The following PTPN4 variants were observed in gnomAD, a reference collection of about 807,000 sequenced individuals.
PTPN4 encodes the protein protein tyrosine phosphatase non-receptor type 4, also known as tyrosine-protein phosphatase non-receptor type 4.
PTPN4 carries 49 observed loss-of-function variants against 135.5 expected under a neutral mutation model. The observed-to-expected ratio is 0.36, with a 90% CI of 0.29 to 0.46. The LOEUF is 0.46. Among genes scored for constraint, PTPN4 ranks in the 20% least tolerant of loss-of-function variants. PTPN4 has a pLI of 1.00. For synonymous variants in PTPN4, 333 were observed against 369.9 expected (o/e 0.90, Z 1.14); for missense variants, 860 against 1,101.0 (o/e 0.78, Z 3.10).
chr2:119,825,593 T>G (rs752111593), intron 2 of PTPN4, among the ~76,000 whole-genome samples: 1 of 151,766 alleles, frequency 6.6e-6, no homozygotes, highest in African/African-American at 2.4e-5. Flanking sequence ...CCTCCCAGGT[T>G]CAGGCAATTC....
chr2:119,805,305 CTATTT>C (rs1691448227), intron 1 of PTPN4, among the ~76,000 whole-genome samples: 1 of 152,094 alleles, frequency 6.6e-6, no homozygotes, highest in Admixed American at 6.5e-5. Flanking sequence ...TCTCATTTGT[CTATTT>C]TGTTTTGTTT....
intron 18 of PTPN4, among the ~76,000 whole-genome samples, chr2:119,950,395 G>A (rs569223552): frequency 6.6e-6 from 1 of 152,306 alleles, no homozygotes; most frequent in South Asian, 2.1e-4. Flanking sequence ...GAACGTTCCA[G>A]ATTTTAAAGC....
At chr2:119,916,886 TAAATTATTA>T (rs1678661518) in intron 11 of PTPN4, among the ~76,000 whole-genome samples, 2 of 152,260 alleles carry the variant, frequency 1.3e-5, no homozygotes. Context: ...GACTATGCCA[TAAATTATTA>T]ATTCATTCTG....
intron 10 of PTPN4, 85 bp downstream of exon 10, chr2:119,900,891 A>G: frequency 1.3e-6 from 1 of 758,334 alleles, no homozygotes; most frequent in Non-Finnish European, 2.0e-6. Context: ...CTGTTGAACT[A>G]TTTTAATGTT....
At chr2:119,904,424 T>C (rs548689846) in intron 10 of PTPN4, among the ~76,000 whole-genome samples, 50 of 152,060 alleles carry the variant, frequency 3.3e-4, no homozygotes, top group Non-Finnish European at 6.0e-4. Context: ...CAGCCAAATA[T>C]TTGAATTTTG....
At chr2:119,904,976 A>G (rs1280141544) in intron 10 of PTPN4, among the ~76,000 whole-genome samples, 1 of 151,884 alleles carries the variant, frequency 6.6e-6, no homozygotes, top group Admixed American at 6.6e-5. Context: ...TCCCTGACAG[A>G]GCAGATAAGA....
At position 119,943,494 on chromosome 2, in the gene PTPN4, G is replaced by C. The variant is rs181160596; in HGVS notation, c.1356-1587G>C. On this transcript the variant is annotated intron_variant, in intron 15 of 26. Coordinates refer to ENST00000263708, the MANE Select transcript of PTPN4 (RefSeq NM_002830.4). ...TATCTTCATTCTGGGTCCCAGACTG[G>C]TAGCATTCCCTGTTTGGGACATGGC... is the stretch of plus-strand genomic sequence containing the variant. Among the ~76,000 whole-genome samples, 6 of 151,622 alleles carry C rather than the reference G, an allele frequency of 4.0e-5. No individual in the cohort carries two copies. In the East Asian group the frequency reaches 9.7e-4, roughly 24 times the overall value.
chr2:119,895,943 G>A (rs982045028), intron 9 of PTPN4, among the ~76,000 whole-genome samples: 8 of 151,272 alleles, frequency 5.3e-5, no homozygotes, highest in Non-Finnish European at 8.8e-5. Flanking sequence ...AGGGGATAGC[G>A]GTCTATACAC....
At chr2:119,956,727 T>A in intron 20 of PTPN4, 117 bp from the exon 21 acceptor site, 1 of 1,519,124 alleles carries the variant, frequency 6.6e-7, no homozygotes. Context: ...ATTGTATAGA[T>A]GACCTATTCA....
intron 10 of PTPN4, among the ~76,000 whole-genome samples, chr2:119,907,156 A>G (rs990280817): frequency 6.6e-6 from 1 of 152,196 alleles, no homozygotes. Context: ...AAGAGAACAG[A>G]AAAAAAGTAG....
At chr2:119,962,370 C>T (rs1204629865) in intron 23 of PTPN4, among the ~76,000 whole-genome samples, 1 of 151,846 alleles carries the variant, frequency 6.6e-6, no homozygotes, top group Non-Finnish European at 1.5e-5. Context: ...AGGAGAATCG[C>T]TTGAACCCAG....
intron 1 of PTPN4, among the ~76,000 whole-genome samples, chr2:119,797,274 G>A (rs1463732860): frequency 2.0e-5 from 3 of 152,050 alleles, no homozygotes; most frequent in Non-Finnish European, 2.9e-5. Flanking sequence ...TCAAAGTTAC[G>A]TTGTCCATAT....
At chr2:119,804,918 C>T (rs1436536139) in intron 1 of PTPN4, among the ~76,000 whole-genome samples, 1 of 152,156 alleles carries the variant, frequency 6.6e-6, no homozygotes, top group Non-Finnish European at 1.5e-5. Context: ...TGTTCTATTT[C>T]TCCACATCCT....
intron 10 of PTPN4, among the ~76,000 whole-genome samples, chr2:119,910,307 G>A (rs1050052198): frequency 1.1e-4 from 17 of 152,088 alleles, no homozygotes; most frequent in African/African-American, 2.4e-4. Flanking sequence ...ACAGTATAGT[G>A]TAACCATAAC....
intron 3 of PTPN4, 115 bp downstream of exon 3, chr2:119,862,758 C>T: frequency 1.4e-6 from 1 of 702,598 alleles, no homozygotes; most frequent in East Asian, 2.9e-5. Flanking sequence ...TTTTACTTGA[C>T]TTAAATAGAG....
intron 2 of PTPN4, among the ~76,000 whole-genome samples, chr2:119,856,360 AC>A (rs546647576): frequency 1.2e-3 from 179 of 152,238 alleles, no homozygotes; most frequent in Non-Finnish European, 1.9e-3. Flanking sequence ...ATTTGCTATT[AC>A]CCGATCAACT....
chr2:119,873,989 C>CA, intron 3 of PTPN4, among the ~76,000 whole-genome samples: 1 of 152,182 alleles, frequency 6.6e-6, no homozygotes, highest in South Asian at 2.1e-4. Context: ...TATGTCCACA[C>CA]AAAAATTTAT....
intron 3 of PTPN4, among the ~76,000 whole-genome samples, chr2:119,872,504 A>G (rs1418739696): frequency 6.6e-6 from 1 of 152,174 alleles, no homozygotes; most frequent in Non-Finnish European, 1.5e-5. Flanking sequence ...TTCCTGAAAT[A>G]TCTTACCTTT....
chr2:119,768,668 T>C (rs534136837), intron 1 of PTPN4, among the ~76,000 whole-genome samples: 1 of 152,322 alleles, frequency 6.6e-6, no homozygotes, highest in African/African-American at 2.4e-5. Context: ...AATCCCCTTG[T>C]ATGTGCCAGT....
Sources: gnomAD v4.1 joint callset for allele counts (sites outside exome capture counted in the v4.1 genomes callset) on GRCh38, gnomAD v4.1.1 for gene constraint, MANE v1.5 for transcripts, NCBI Gene and HGNC (gene_info 2026-07-23, HGNC 2026-07-21) for gene names.